CNTNAP5: variants seen among roughly 807,000 people sequenced by gnomAD.
CNTNAP5 encodes the protein contactin associated protein family member 5, also known as contactin-associated protein-like 5.
CNTNAP5 carries 72 observed loss-of-function variants against 150.2 expected under a neutral mutation model. The observed-to-expected ratio is 0.48, with a 90% CI of 0.40 to 0.58. The LOEUF (loss-of-function observed/expected upper bound fraction) is 0.58. CNTNAP5 is among the 20% of genes least tolerant of loss of function. The pLI is 0.00. For synonymous variants in CNTNAP5, 672 were observed against 619.8 expected (o/e 1.08, Z -1.25); for missense variants, 1,636 against 1,626.2 (o/e 1.01, Z -0.10).
chr2:124,386,455 G>T, intron 3 of CNTNAP5, among the ~76,000 whole-genome samples: 1 of 152,210 alleles, frequency 6.6e-6, no homozygotes, highest in East Asian at 1.9e-4. Flanking sequence ...CAGGGATAGT[G>T]ATGTTGCTAC....
intron 19 of CNTNAP5, among the ~76,000 whole-genome samples, chr2:124,800,104 G>A (rs534163470): frequency 1.0e-3 from 158 of 152,328 alleles, no homozygotes; most frequent in South Asian, 2.9e-3. Context: ...GCGTGCCAAC[G>A]AGGTAATCTA....
intron 19 of CNTNAP5, among the ~76,000 whole-genome samples, chr2:124,852,904 A>T (rs1447169843): frequency 2.0e-5 from 3 of 152,230 alleles, no homozygotes; most frequent in Non-Finnish European, 4.4e-5. Context: ...CTAGAATTTT[A>T]ACCTGAGCAG....
In CNTNAP5 at chr2:124,402,412, C is replaced by T. The variant is rs556696770; in HGVS notation, c.382-15031C>T. 4.6e-5 allele frequency among the ~76,000 whole-genome samples: 7 copies of T among 152,260 alleles called. No individual in the cohort carries two copies. In the East Asian group the frequency reaches 7.7e-4, roughly 17 times the overall value. On this transcript the variant is annotated intron_variant, in intron 3 of 23. Coordinates refer to ENST00000682447, the MANE Select transcript of CNTNAP5 (RefSeq NM_001367498.1). ...CTCCAACAGAGTAAGAGCACAGAGT[C>T]GATAGCGACTCCCTGAGAGAAGGGA...
chr2:124,147,686 G>A (rs1369144506), intron 1 of CNTNAP5, among the ~76,000 whole-genome samples: 1 of 152,210 alleles, frequency 6.6e-6, no homozygotes, highest in Non-Finnish European at 1.5e-5. Flanking sequence ...TTGAGGGGAT[G>A]GAACGGCTCT....
chr2:124,656,977 G>T lies in CNTNAP5; in HGVS notation c.2077+9019G>T, dbSNP rs1678471433. ...GCCTTCTGAGCCTCAGTTTTCTTAT[G>T]TGTGACATTTAATGAGACAGATGCC... is the stretch of plus-strand genomic sequence containing the variant. On this transcript the variant is annotated intron_variant, in intron 13 of 23. Coordinates refer to ENST00000682447, the MANE Select transcript of CNTNAP5 (RefSeq NM_001367498.1). Among the ~76,000 whole-genome samples, 3 of 152,288 alleles carry T rather than the reference G, an allele frequency of 2.0e-5. No individual in the cohort carries two copies. In the South Asian group the frequency reaches 6.2e-4, roughly 32 times the overall value.
In CNTNAP5 at chr2:124,249,983, GTGTGTGTGTA is replaced by G. The variant is rs796774926; in HGVS notation, c.381+7596_381+7605del. On this transcript the variant is annotated intron_variant, in intron 3 of 23. Coordinates refer to ENST00000682447, the MANE Select transcript of CNTNAP5 (RefSeq NM_001367498.1). ...CTTTTGTGTGTGTGTGTGTGTGTGT[GTGTGTGTGTA>G]TGTGTTTCTTTGTTGTTGTTTTCTT... Among the ~76,000 whole-genome samples the G allele has an allele frequency of 6.2e-3, 644 of 104,416 alleles. 3 individuals carry two copies. Among genetic ancestry groups the G allele is most frequent in the African/African-American group, 0.022 (492 of 22,006 alleles). 68.5% of individuals were successfully genotyped at this position (104,416 alleles called of 152,430 possible).
intron 1 of CNTNAP5, among the ~76,000 whole-genome samples, chr2:124,095,385 T>C (rs1197737563): frequency 6.6e-6 from 1 of 151,904 alleles, no homozygotes; most frequent in Non-Finnish European, 1.5e-5. Flanking sequence ...AGGACAAATA[T>C]CTAATGCATG....
At chr2:124,726,290 G>A (rs549511101) in intron 13 of CNTNAP5, among the ~76,000 whole-genome samples, 4 of 152,100 alleles carry the variant, frequency 2.6e-5, no homozygotes, top group Non-Finnish European at 4.4e-5. Context: ...TCAAGAGAAG[G>A]ACCTGGTAAG....
intron 1 of CNTNAP5, among the ~76,000 whole-genome samples, chr2:124,197,704 C>T (rs901023661): frequency 2.6e-5 from 4 of 152,050 alleles, no homozygotes; most frequent in Non-Finnish European, 5.9e-5. Flanking sequence ...CAATACGGCC[C>T]GGCGCAGTGG....
At chr2:124,384,222 C>T (rs1435334007) in intron 3 of CNTNAP5, among the ~76,000 whole-genome samples, 3 of 152,130 alleles carry the variant, frequency 2.0e-5, no homozygotes, top group African/African-American at 7.2e-5. Flanking sequence ...TATAAATACT[C>T]CAAGTGTGCT....
chr2:124,450,259 G>T (rs1007001328), intron 6 of CNTNAP5, among the ~76,000 whole-genome samples: 1 of 150,082 alleles, frequency 6.7e-6, no homozygotes, highest in African/African-American at 2.5e-5. Flanking sequence ...ATATACTTCT[G>T]ATATATATAT....
intron 1 of CNTNAP5, among the ~76,000 whole-genome samples, chr2:124,121,550 C>A (rs1457330876): frequency 6.6e-6 from 1 of 152,168 alleles, no homozygotes; most frequent in Non-Finnish European, 1.5e-5. Flanking sequence ...TGTCTGACTT[C>A]CAGGACTTTT....
At chr2:124,501,535 G>A (rs1349312690) in intron 7 of CNTNAP5, among the ~76,000 whole-genome samples, 1 of 152,176 alleles carries the variant, frequency 6.6e-6, no homozygotes, top group Non-Finnish European at 1.5e-5. Context: ...TTTCTAAATG[G>A]CCGGTGGGAA....
intron 10 of CNTNAP5, among the ~76,000 whole-genome samples, chr2:124,559,288 TC>T (rs1401616600): frequency 6.6e-6 from 1 of 152,148 alleles, no homozygotes; most frequent in African/African-American, 2.4e-5. Context: ...TTCATTCCTA[TC>T]TCTTTTCTTT....
At chr2:124,793,249 G>T (rs1010308338) in intron 18 of CNTNAP5, among the ~76,000 whole-genome samples, 1 of 152,050 alleles carries the variant, frequency 6.6e-6, no homozygotes, top group South Asian at 2.1e-4. Flanking sequence ...AAATGCTATC[G>T]CATTGTGGTT....
chr2:124,064,394 C>T (rs1682100528), intron 1 of CNTNAP5, among the ~76,000 whole-genome samples: 1 of 151,956 alleles, frequency 6.6e-6, no homozygotes, highest in South Asian at 2.1e-4. Flanking sequence ...CCTCATTAGC[C>T]ATGTCTAATC....
At chr2:124,043,594 T>C (rs1681447954) in intron 1 of CNTNAP5, among the ~76,000 whole-genome samples, 1 of 152,234 alleles carries the variant, frequency 6.6e-6, no homozygotes, top group Non-Finnish European at 1.5e-5. Flanking sequence ...TTGTAGTGTA[T>C]TCCATTTTGC....
intron 19 of CNTNAP5, among the ~76,000 whole-genome samples, chr2:124,807,532 C>G (rs1682106699): frequency 6.6e-6 from 1 of 152,156 alleles, no homozygotes. Flanking sequence ...GGAGTCGGTA[C>G]TAGTATTTCC....
At chr2:124,098,017 G>T (rs539910422) in intron 1 of CNTNAP5, among the ~76,000 whole-genome samples, 5 of 148,440 alleles carry the variant, frequency 3.4e-5, no homozygotes, top group East Asian at 4.0e-4. Flanking sequence ...GACAGAGCGA[G>T]ACTCCGTCTC....
Sources: gnomAD v4.1 joint callset for allele counts (sites outside exome capture counted in the v4.1 genomes callset) on GRCh38, gnomAD v4.1.1 for gene constraint, MANE v1.5 for transcripts, NCBI Gene and HGNC (gene_info 2026-07-23, HGNC 2026-07-21) for gene names.